KDM2B: variants seen among roughly 807,000 people sequenced by gnomAD.
The protein encoded by KDM2B is lysine-specific demethylase 2B.
A neutral mutation model predicts 150.0 loss-of-function variants in KDM2B; 26 were observed. The ratio of observed to expected loss-of-function variants is 0.17; its 90% CI spans 0.13 to 0.24. KDM2B has a LOEUF of 0.24. KDM2B is among the 10% of genes least tolerant of loss of function. The pLI, the probability that KDM2B is intolerant of heterozygous loss-of-function variation, is 1.00. For missense variants in KDM2B, 1,265 were observed against 1,816.9 expected, an observed-to-expected ratio of 0.70 and a Z score of 5.52; for synonymous variants, 734 against 729.5, an observed-to-expected ratio of 1.01 and a Z score of -0.10.
At chr12:121,579,845 G>C (rs1891816739) in intron 1 of KDM2B, among the ~76,000 whole-genome samples, 1 of 150,324 alleles carries the variant, frequency 6.7e-6, no homozygotes, top group African/African-American at 2.5e-5. Context: ...GGCTGGAGGA[G>C]TAAGCAGCTT....
At chr12:121,437,631 A>C (rs1874227071) in intron 22 of KDM2B, among the ~76,000 whole-genome samples, 1 of 152,222 alleles carries the variant, frequency 6.6e-6, no homozygotes, top group African/African-American at 2.4e-5. Flanking sequence ...TCAGGTAGTG[A>C]GGATGGGGTA....
At chr12:121,484,654 C>T (rs946785540) in intron 12 of KDM2B, among the ~76,000 whole-genome samples, 1 of 150,914 alleles carries the variant, frequency 6.6e-6, no homozygotes, top group African/African-American at 2.4e-5. Flanking sequence ...CCCATCTCTA[C>T]AAAAAAAACA....
the KDM2B span, among the ~76,000 whole-genome samples, chr12:121,411,640 T>C: frequency 6.6e-6 from 1 of 152,228 alleles, no homozygotes; most frequent in Non-Finnish European, 1.5e-5. Context: ...CTAAATAGCA[T>C]GTAAAATTTT....
At chr12:121,576,531 G>C (rs1891504293) in intron 2 of KDM2B, among the ~76,000 whole-genome samples, 1 of 152,142 alleles carries the variant, frequency 6.6e-6, no homozygotes, top group Admixed American at 6.6e-5. Context: ...AGGCTCCCCA[G>C]GGGAAGGCTG....
intron 22 of KDM2B, among the ~76,000 whole-genome samples, chr12:121,438,687 T>C (rs1260467903): frequency 6.6e-6 from 1 of 152,102 alleles, no homozygotes; most frequent in Non-Finnish European, 1.5e-5. Flanking sequence ...ATGCCCCTGC[T>C]ATGAGGCATG....
At chr12:121,486,373 G>T (rs1555298939) in intron 12 of KDM2B, among the ~76,000 whole-genome samples, 1 of 135,136 alleles carries the variant, frequency 7.4e-6, no homozygotes, top group East Asian at 2.2e-4. Context: ...GGGAAACGGG[G>T]TTTCATCATC....
At chr12:121,551,734 G>A (rs1463300838) in intron 4 of KDM2B, among the ~76,000 whole-genome samples, 1 of 151,986 alleles carries the variant, frequency 6.6e-6, no homozygotes, top group Non-Finnish European at 1.5e-5. Flanking sequence ...CGTATTTTTA[G>A]TAGAGATGGA....
chr12:121,412,405 A>C, the KDM2B span, among the ~76,000 whole-genome samples: 4 of 150,202 alleles, frequency 2.7e-5, no homozygotes. Context: ...ACGCCAGGCT[A>C]ATTTTGTTTT....
chr12:121,580,765 C>G (rs782478603), intron 1 of KDM2B, 21 bp downstream of exon 1: 15 of 1,611,008 alleles, frequency 9.3e-6, no homozygotes, highest in Non-Finnish European at 1.3e-5. Context: ...CTTCTTTCAT[C>G]CACCCCTCCC....
chr12:121,425,596 A>G (rs1369366679), downstream of KDM2B, among the ~76,000 whole-genome samples: 1 of 152,170 alleles, frequency 6.6e-6, no homozygotes, highest in Non-Finnish European at 1.5e-5. Context: ...TGTGTGGCTA[A>G]TAGTAAAGAA....
chr12:121,427,577 T>C (rs1872570264), downstream of KDM2B, among the ~76,000 whole-genome samples: 1 of 152,210 alleles, frequency 6.6e-6, no homozygotes, highest in South Asian at 2.1e-4. Flanking sequence ...ACAGAGACCA[T>C]GGATTTGTAC....
downstream of KDM2B, among the ~76,000 whole-genome samples, chr12:121,428,065 A>G (rs945820902): frequency 6.6e-6 from 1 of 152,194 alleles, no homozygotes; most frequent in Non-Finnish European, 1.5e-5. Context: ...AGAAAGTCAC[A>G]TTTTTATAAA....
chr12:121,443,526 CCAAGCCAGAACCA>C, intron 17 of KDM2B, 141 bp downstream of exon 17: 1 of 637,894 alleles, frequency 1.6e-6, no homozygotes, highest in South Asian at 1.8e-5. Context: ...TTCCCAGGCC[CCAAGCCAGAACCA>C]CGAGCCAGAG....
chr12:121,419,440 T>C, the KDM2B span, among the ~76,000 whole-genome samples: 1 of 152,234 alleles, frequency 6.6e-6, no homozygotes, highest in East Asian at 1.9e-4. Flanking sequence ...CCAGGAGTTT[T>C]ATTATTCTCC....
chr12:121,564,485 A>C (rs1555314466), intron 4 of KDM2B, among the ~76,000 whole-genome samples: 1 of 152,068 alleles, frequency 6.6e-6, no homozygotes. Context: ...AAAATAAAAT[A>C]AATAAAAGGC....
intron 2 of KDM2B, among the ~76,000 whole-genome samples, chr12:121,577,623 A>T (rs1555317053): frequency 6.6e-6 from 1 of 152,176 alleles, no homozygotes; most frequent in African/African-American, 2.4e-5. Flanking sequence ...CTCAACCAGA[A>T]CCTGGAGGAG....
At chr12:121,514,550 A>G (rs1369398861) in intron 9 of KDM2B, among the ~76,000 whole-genome samples, 2 of 151,874 alleles carry the variant, frequency 1.3e-5, no homozygotes, top group South Asian at 4.1e-4. Flanking sequence ...CAGAGGCCAC[A>G]CGATGGTCTC....
chr12:121,470,997 C>T (rs1171176168), intron 12 of KDM2B, among the ~76,000 whole-genome samples: 2 of 152,246 alleles, frequency 1.3e-5, no homozygotes, highest in East Asian at 1.9e-4. Flanking sequence ...TCTTTTGACA[C>T]TTGCAAAATG....
chr12:121,453,468 T>G lies in KDM2B; in HGVS notation c.1735-124A>C. ...GACACGATGGGGGCTCTAAACCCCA[T>G]TCCTCAGAGTGTGATCTTTATTTGG... On this transcript the variant is annotated intron_variant, in intron 12 of 22. Coordinates refer to ENST00000377071, the MANE Select transcript of KDM2B (RefSeq NM_032590.5). This position sits in a 1 kb window ranked among gnomAD's most constrained non-coding sequence, Gnocchi z 6.4. 1 of 679,884 alleles carries G rather than the reference T, an allele frequency of 1.5e-6. No homozygotes were observed. Among genetic ancestry groups the G allele is most frequent in the Non-Finnish European group, 2.5e-6 (1 of 406,074 alleles). The allele number at this position is 679,884 out of a possible 1,614,324, so 42.1% of individuals were successfully genotyped here.
Sources: allele counts gnomAD v4.1 joint callset (sites outside exome capture counted in the v4.1 genomes callset), GRCh38; gene constraint gnomAD v4.1.1; non-coding constraint Gnocchi (gnomAD v3.1); transcripts MANE v1.5; gene names NCBI Gene and HGNC (gene_info 2026-07-23, HGNC 2026-07-21).